The following MAGI2 variants were observed in gnomAD, a reference collection of about 807,000 sequenced individuals.
The protein encoded by MAGI2 is membrane-associated guanylate kinase, WW and PDZ domain-containing protein 2.
MAGI2 carries 35 observed loss-of-function variants against 133.3 expected under a neutral mutation model. The observed-to-expected ratio is 0.26, with a 90% CI of 0.20 to 0.35. MAGI2 has a LOEUF of 0.35. MAGI2 is among the 10% of genes least tolerant of loss of function. The pLI, the probability that MAGI2 is intolerant of heterozygous loss-of-function variation, is 1.00. For missense variants in MAGI2, 1,636 were observed against 1,863.4 expected, an observed-to-expected ratio of 0.88 and a Z score of 2.25; for synonymous variants, 729 against 710.6, an observed-to-expected ratio of 1.03 and a Z score of -0.41.
At chr7:78,582,107 G>A (rs1320128521) in intron 3 of MAGI2, among the ~76,000 whole-genome samples, 6 of 152,156 alleles carry the variant, frequency 3.9e-5, no homozygotes, top group African/African-American at 1.4e-4. Flanking sequence ...AGATGCAAAG[G>A]TACCATGTTT....
chr7:78,351,219 AT>A (rs1321218555), intron 7 of MAGI2, among the ~76,000 whole-genome samples: 17 of 152,000 alleles, frequency 1.1e-4, no homozygotes, highest in Non-Finnish European at 2.2e-4. Flanking sequence ...TAAAATACGC[AT>A]TGTGGGCAGG....
At chr7:79,419,204 A>G (rs892497645) in intron 1 of MAGI2, among the ~76,000 whole-genome samples, 24 of 152,010 alleles carry the variant, frequency 1.6e-4, no homozygotes, top group African/African-American at 5.1e-4. Flanking sequence ...ATTTCAGTAA[A>G]GATTATCCTT....
At chr7:78,056,831 A>G (rs1209983202) in intron 21 of MAGI2, among the ~76,000 whole-genome samples, 1 of 152,080 alleles carries the variant, frequency 6.6e-6, no homozygotes, top group Admixed American at 6.6e-5. Flanking sequence ...AGTTGAAGAA[A>G]AAAGAAATTC....
chr7:78,751,194 TAATTTC>T (rs1823424515), intron 2 of MAGI2, among the ~76,000 whole-genome samples: 2 of 152,224 alleles, frequency 1.3e-5, no homozygotes, highest in African/African-American at 4.8e-5. Flanking sequence ...ACGTCAACTT[TAATTTC>T]AAGGCATCAT....
At chr7:79,230,448 C>T (rs906840265) in intron 1 of MAGI2, among the ~76,000 whole-genome samples, 73 of 151,670 alleles carry the variant, frequency 4.8e-4, no homozygotes, top group African/African-American at 1.6e-3. Context: ...TCCTCTCCAG[C>T]ACCTGTTGTT....
chr7:78,344,564 G>C (rs1052271555), intron 8 of MAGI2, among the ~76,000 whole-genome samples: 18 of 152,130 alleles, frequency 1.2e-4, no homozygotes, highest in Admixed American at 1.0e-3. Context: ...CCTGTATGTG[G>C]AACTGACTTT....
At chr7:79,243,342 T>G (rs1241925453) in intron 1 of MAGI2, among the ~76,000 whole-genome samples, 1 of 152,200 alleles carries the variant, frequency 6.6e-6, no homozygotes, top group Non-Finnish European at 1.5e-5. Flanking sequence ...CTAATTTTAC[T>G]TGTTTTTAAA....
chr7:78,161,890 T>C (rs1278892419), intron 15 of MAGI2, among the ~76,000 whole-genome samples: 1 of 152,202 alleles, frequency 6.6e-6, no homozygotes, highest in Non-Finnish European at 1.5e-5. Flanking sequence ...GTAAGAAATG[T>C]ACCGAGGTCA....
chr7:78,884,516 T>A (rs1341253844), intron 2 of MAGI2, among the ~76,000 whole-genome samples: 1 of 151,940 alleles, frequency 6.6e-6, no homozygotes, highest in Admixed American at 6.6e-5. Context: ...CAACAGGATT[T>A]GAAAAGATAG....
chr7:78,591,962 A>G (rs1307496410), intron 3 of MAGI2, among the ~76,000 whole-genome samples: 2 of 152,214 alleles, frequency 1.3e-5, no homozygotes, highest in African/African-American at 4.8e-5. Flanking sequence ...AAAAAATGTA[A>G]AGACATTTTA....
At chr7:78,984,354 T>C (rs1413147236) in intron 2 of MAGI2, among the ~76,000 whole-genome samples, 3 of 151,890 alleles carry the variant, frequency 2.0e-5, no homozygotes, top group Admixed American at 2.0e-4. Flanking sequence ...TTCAAAACCA[T>C]CCATCTCACT....
At chr7:79,380,893 T>C (rs922696977) in intron 1 of MAGI2, among the ~76,000 whole-genome samples, 6 of 151,798 alleles carry the variant, frequency 4.0e-5, no homozygotes, top group African/African-American at 1.4e-4. Flanking sequence ...GCAGTAAACA[T>C]TGTTTTAAAG....
intron 2 of MAGI2, among the ~76,000 whole-genome samples, chr7:78,837,147 C>G (rs576753491): frequency 6.6e-6 from 1 of 152,264 alleles, no homozygotes; most frequent in South Asian, 2.1e-4. Context: ...ATGTGGGCCT[C>G]AGCCTTGTTA....
rs143710283 is a variant in MAGI2 at position 79,120,478 on chromosome 7, A to G, written c.302-113272T>C. On this transcript the variant is annotated intron_variant, in intron 1 of 21. Coordinates refer to ENST00000354212, the MANE Select transcript of MAGI2 (RefSeq NM_012301.4). ...CAATGTAAACATTCCTAAATCAACT[A>G]AAAAACCCTTTACATATACACACAC... Among the ~76,000 whole-genome samples the G allele has an allele frequency of 1.7e-4, 26 of 152,186 alleles. No individual in the cohort carries two copies. The East Asian group carries it at 4.8e-3, about 28-fold the overall frequency.
At chr7:78,503,639 C>G (rs1243334620) in intron 4 of MAGI2, among the ~76,000 whole-genome samples, 2 of 123,494 alleles carry the variant, frequency 1.6e-5, no homozygotes, top group Non-Finnish European at 3.4e-5. Context: ...TCTCCCTCCC[C>G]TCCTCTTCTT....
At chr7:79,288,917 T>C (rs1225928139) in intron 1 of MAGI2, among the ~76,000 whole-genome samples, 1 of 152,184 alleles carries the variant, frequency 6.6e-6, no homozygotes, top group African/African-American at 2.4e-5. Context: ...GGTGCAGTTA[T>C]GGTCCCATAG....
At chr7:78,690,681 G>A (rs1816860210) in intron 2 of MAGI2, among the ~76,000 whole-genome samples, 1 of 152,128 alleles carries the variant, frequency 6.6e-6, no homozygotes, top group African/African-American at 2.4e-5. Flanking sequence ...TTTAAATTCT[G>A]TCCCTACAGA....
chr7:78,974,301 C>A (rs189265041), intron 2 of MAGI2, among the ~76,000 whole-genome samples: 2 of 151,766 alleles, frequency 1.3e-5, no homozygotes, highest in Admixed American at 6.6e-5. Flanking sequence ...CTGAGAAAGG[C>A]CAGTTAGAAT....
At chr7:78,159,352 C>A (rs926784156) in intron 16 of MAGI2, among the ~76,000 whole-genome samples, 1 of 152,150 alleles carries the variant, frequency 6.6e-6, no homozygotes, top group Non-Finnish European at 1.5e-5. Context: ...CACCCCCAAC[C>A]CTTTGGTTTC....
Sources: gnomAD v4.1 joint callset for allele counts (sites outside exome capture counted in the v4.1 genomes callset) on GRCh38, gnomAD v4.1.1 for gene constraint, MANE v1.5 for transcripts, NCBI Gene and HGNC (gene_info 2026-07-23, HGNC 2026-07-21) for gene names.